Variants in VIPR2 observed in about 807,000 individuals in gnomAD.
VIPR2 encodes the protein vasoactive intestinal peptide receptor 2.
A neutral mutation model predicts 58.0 loss-of-function variants in VIPR2; 48 were observed. The ratio of observed to expected loss-of-function variants is 0.83; its 90% CI spans 0.66 to 1.05. The LOEUF (loss-of-function observed/expected upper bound fraction) is 1.05, where lower values mean the gene tolerates loss of function less well. Among genes scored for constraint, VIPR2 ranks in the 50% least tolerant of loss-of-function variants. The pLI is 0.00. For missense variants in VIPR2, 534 were observed against 558.0 expected, an observed-to-expected ratio of 0.96 and a Z score of 0.43; for synonymous variants, 243 against 235.2, an observed-to-expected ratio of 1.03 and a Z score of -0.30.
At chr7:159,043,300 G>A in intron 5 of VIPR2, 124 bp from the exon 6 acceptor site, 1 of 853,166 alleles carries the variant, frequency 1.2e-6, no homozygotes, top group Non-Finnish European at 1.6e-6. Context: ...AAGAGTTGAG[G>A]GCATGAAGCA....
intron 5 of VIPR2, among the ~76,000 whole-genome samples, chr7:159,043,528 AAACAAC>A (rs148868612): frequency 6.6e-6 from 1 of 152,080 alleles, no homozygotes. Flanking sequence ...ACCATTCAAG[AAACAAC>A]AACAACAACA....
chr7:159,096,678 G>C lies in VIPR2; in HGVS notation c.357+7079C>G, dbSNP rs1857867085. Among the ~76,000 whole-genome samples the C allele has an allele frequency of 6.6e-6, 1 of 152,200 alleles. No homozygotes were observed. The highest frequency in any genetic ancestry group is 1.5e-5 in the Non-Finnish European group (1 of 68,044). The stretch of plus-strand genomic sequence containing the variant: ...GAAAGTATTAAGCATCACATGCACA[G>C]GTTAAAACTAAACAGCAGAAAAGTG... On this transcript the variant is annotated intron_variant, in intron 4 of 12. Coordinates refer to ENST00000262178, the MANE Select transcript of VIPR2 (RefSeq NM_003382.5). The surrounding 1 kb of genome is among the most constrained non-coding windows in gnomAD (Gnocchi z 5.5).
chr7:159,137,207 C>T (rs1038074936), intron 2 of VIPR2, among the ~76,000 whole-genome samples: 1 of 152,164 alleles, frequency 6.6e-6, no homozygotes, highest in Non-Finnish European at 1.5e-5. Context: ...CTCCGTTCTT[C>T]CCAGACAGGA....
At chr7:159,061,292 A>AAAT (rs879907068) in intron 4 of VIPR2, among the ~76,000 whole-genome samples, 5 of 151,924 alleles carry the variant, frequency 3.3e-5, no homozygotes, top group Non-Finnish European at 5.9e-5. Context: ...TATCATCATG[A>AAAT]AATATATCCA....
At chr7:159,144,429 A>G in intron 1 of VIPR2, 1 of 1,547,436 alleles carries the variant, frequency 6.5e-7, no homozygotes, top group Non-Finnish European at 8.7e-7. Flanking sequence ...CTCATCGTTG[A>G]CGCGTCCAGG....
intron 2 of VIPR2, among the ~76,000 whole-genome samples, chr7:159,136,161 C>T (rs894416401): frequency 9.9e-5 from 15 of 152,130 alleles, no homozygotes; most frequent in Non-Finnish European, 2.1e-4. Flanking sequence ...AATCCAGGGT[C>T]GAGTGGCCAC....
rs977874689 is a variant in VIPR2 at position 159,093,415 on chromosome 7, T to C, written c.357+10342A>G. 3.9e-5 allele frequency among the ~76,000 whole-genome samples: 6 copies of C among 152,242 alleles called. No homozygotes were observed. Among genetic ancestry groups the C allele is most frequent in the African/African-American group, 1.4e-4 (6 of 41,534 alleles). On this transcript the variant is annotated intron_variant, in intron 4 of 12. Coordinates refer to ENST00000262178, the MANE Select transcript of VIPR2 (RefSeq NM_003382.5). This position sits in a 1 kb window ranked among gnomAD's most constrained non-coding sequence, Gnocchi z 6.7. ...CAGGCACCGCGGCTCCACGCTTACTTTCGAGGGTGCTGGCGGGTGTGGCTG... is the reference window on the plus strand; with the variant it reads ...CAGGCACCGCGGCTCCACGCTTACTCTCGAGGGTGCTGGCGGGTGTGGCTG...
intron 6 of VIPR2, among the ~76,000 whole-genome samples, chr7:159,038,472 C>T (rs1854113067): frequency 6.6e-6 from 1 of 152,170 alleles, no homozygotes; most frequent in African/African-American, 2.4e-5. Context: ...GACAGAGCCT[C>T]TTATGTGGAA....
chr7:159,135,560 C>A (rs942485573), intron 2 of VIPR2, among the ~76,000 whole-genome samples: 5 of 152,266 alleles, frequency 3.3e-5, no homozygotes, highest in Middle Eastern at 3.4e-3. Context: ...CAGTGGCTCA[C>A]GCCTGTAATC....
chr7:159,117,369 A>G (rs1377591773), intron 2 of VIPR2: 1 of 717,288 alleles, frequency 1.4e-6, no homozygotes, highest in Non-Finnish European at 2.6e-6. Context: ...TCCTCTTTAA[A>G]CCTCCGGCGT....
intron 4 of VIPR2, among the ~76,000 whole-genome samples, chr7:159,059,592 C>G (rs920535021): frequency 6.6e-6 from 1 of 152,172 alleles, no homozygotes; most frequent in Non-Finnish European, 1.5e-5. Flanking sequence ...GCAGGAATCT[C>G]TTCTTGGGAA....
intron 10 of VIPR2, 152 bp from the exon 11 acceptor site, chr7:159,032,219 CTG>C: frequency 1.8e-6 from 2 of 1,142,670 alleles, no homozygotes; most frequent in Non-Finnish European, 2.4e-6. Context: ...AGAAAAACCA[CTG>C]TTTCTTTACG....
chr7:159,112,882 T>G (rs924774423), intron 2 of VIPR2, among the ~76,000 whole-genome samples: 2 of 119,170 alleles, frequency 1.7e-5, no homozygotes, highest in African/African-American at 7.2e-5. Context: ...CGGGACCTAC[T>G]TGGGACCGGA....
At chr7:159,117,085 A>G (rs1425150399) in intron 2 of VIPR2, 2 of 504,124 alleles carry the variant, frequency 4.0e-6, no homozygotes, top group African/African-American at 3.9e-5. Flanking sequence ...AGAAGGCGAG[A>G]GCCCCTGTCC....
intron 6 of VIPR2, among the ~76,000 whole-genome samples, chr7:159,037,351 T>C (rs1011897354): frequency 6.6e-6 from 1 of 151,890 alleles, no homozygotes; most frequent in Non-Finnish European, 1.5e-5. Flanking sequence ...GGGCGAGGTA[T>C]GGGTGGCAGG....
chr7:159,061,833 G>C (rs1047299010), intron 4 of VIPR2, among the ~76,000 whole-genome samples: 4 of 152,130 alleles, frequency 2.6e-5, no homozygotes, highest in Non-Finnish European at 5.9e-5. Context: ...GCGGAGTACC[G>C]GGATCAAGCT....
At chr7:159,085,315 A>G (rs1857115423) in intron 4 of VIPR2, among the ~76,000 whole-genome samples, 1 of 152,134 alleles carries the variant, frequency 6.6e-6, no homozygotes, top group Non-Finnish European at 1.5e-5. Context: ...TTGTTTTTTG[A>G]GACGGAGCCT....
Position 159,056,902 on chromosome 7 carries a change from T to A in VIPR2, c.455+1579A>T, listed in dbSNP as rs60241655. Among the ~76,000 whole-genome samples, 949 of 152,316 alleles carry A rather than the reference T, an allele frequency of 6.2e-3. 6 individuals are homozygous for A. The highest frequency in any genetic ancestry group is 0.022 in the African/African-American group (912 of 41,558). On this transcript the variant is annotated intron_variant, in intron 5 of 12. Coordinates refer to ENST00000262178, the MANE Select transcript of VIPR2 (RefSeq NM_003382.5). ...AGCTGCACACCAGCTCTGGACACTA[T>A]GTGGTCACCAGCAGAATGACATCCA...
At chr7:159,131,220 G>A (rs1316417653) in intron 2 of VIPR2, among the ~76,000 whole-genome samples, 1 of 152,156 alleles carries the variant, frequency 6.6e-6, no homozygotes, top group African/African-American at 2.4e-5. Flanking sequence ...TTCACAAAGT[G>A]GATGGTGAAC....
Sources: gnomAD v4.1 joint callset for allele counts (sites outside exome capture counted in the v4.1 genomes callset) on GRCh38, gnomAD v4.1.1 for gene constraint, Gnocchi (gnomAD v3.1) non-coding constraint, MANE v1.5 for transcripts, NCBI Gene and HGNC (gene_info 2026-07-23, HGNC 2026-07-21) for gene names.